Variants in PTPRD observed in about 807,000 individuals in gnomAD.
PTPRD encodes the protein protein tyrosine phosphatase receptor type D.
A neutral mutation model predicts 214.5 loss-of-function variants in PTPRD; 34 were observed. The observed-to-expected ratio is 0.16, with a 90% CI of 0.12 to 0.21. PTPRD has a LOEUF of 0.21. Ranked by LOEUF, PTPRD falls within the 10% of genes least tolerant of loss-of-function variation. The pLI, the probability that PTPRD is intolerant of heterozygous loss-of-function variation, is 1.00. For missense variants in PTPRD, 2,545 were observed against 2,398.7 expected, an observed-to-expected ratio of 1.06 and a Z score of -1.27; for synonymous variants, 1,128 against 845.7, an observed-to-expected ratio of 1.33 and a Z score of -5.79.
chr9:8,566,023 C>G (rs561503192), intron 14 of PTPRD, among the ~76,000 whole-genome samples: 4 of 151,310 alleles, frequency 2.6e-5, no homozygotes, highest in African/African-American at 9.7e-5. Flanking sequence ...CCCAGGTAAG[C>G]TGGTATAGAA....
At position 8,932,148 on chromosome 9, in the gene PTPRD, C is replaced by G. The variant is rs1440153960; in HGVS notation, c.-104+86549G>C. On this transcript the variant is annotated intron_variant, in intron 11 of 45. Coordinates refer to ENST00000381196, the MANE Select transcript of PTPRD (RefSeq NM_002839.4). Reference sequence around the variant, plus strand: ...TGATTTTTTGAAGGGTTTTTCGTGTCTGTATCTCCTTCAGTTCTGCTCTGA... The same window carrying G: ...TGATTTTTTGAAGGGTTTTTCGTGTGTGTATCTCCTTCAGTTCTGCTCTGA... Among the ~76,000 whole-genome samples the G allele has an allele frequency of 3.3e-5, 5 of 152,178 alleles. No individual in the cohort carries two copies. In the East Asian group the frequency reaches 7.7e-4, roughly 24 times the overall value.
chr9:9,247,880 C>T (rs908303725), intron 9 of PTPRD, among the ~76,000 whole-genome samples: 2 of 152,098 alleles, frequency 1.3e-5, no homozygotes, highest in Non-Finnish European at 2.9e-5. Flanking sequence ...CCATACATTT[C>T]ATTTGCATTT....
chr9:9,499,630 G>C (rs959257983), intron 8 of PTPRD, among the ~76,000 whole-genome samples: 1 of 151,938 alleles, frequency 6.6e-6, no homozygotes, highest in Non-Finnish European at 1.5e-5. Context: ...ACTGGTATAT[G>C]GGCAAACATT....
chr9:9,456,998 G>C (rs1275098387), intron 8 of PTPRD, among the ~76,000 whole-genome samples: 1 of 151,936 alleles, frequency 6.6e-6, no homozygotes, highest in Non-Finnish European at 1.5e-5. Context: ...GTTTGGAAAA[G>C]TAGGTCCAAA....
At chr9:10,358,556 T>G (rs908880998) in intron 2 of PTPRD, among the ~76,000 whole-genome samples, 2 of 151,940 alleles carry the variant, frequency 1.3e-5, no homozygotes, top group East Asian at 3.9e-4. Context: ...ATTTGAAAGA[T>G]TTATGTCTCT....
At chr9:10,101,395 T>C (rs1273596073) in intron 3 of PTPRD, among the ~76,000 whole-genome samples, 1 of 151,684 alleles carries the variant, frequency 6.6e-6, no homozygotes, top group Non-Finnish European at 1.5e-5. Context: ...TAATATAGTG[T>C]CATCCTAGGA....
intron 8 of PTPRD, among the ~76,000 whole-genome samples, chr9:9,489,126 T>C (rs1351025669): frequency 6.6e-6 from 1 of 152,108 alleles, no homozygotes; most frequent in Non-Finnish European, 1.5e-5. Context: ...CATAAATAAT[T>C]GCATATATGA....
At chr9:8,363,141 T>C (rs1003013794) in intron 39 of PTPRD, among the ~76,000 whole-genome samples, 2 of 152,216 alleles carry the variant, frequency 1.3e-5, no homozygotes, top group Admixed American at 6.5e-5. Flanking sequence ...CCAACAACCC[T>C]AGCTCTTGAT....
intron 10 of PTPRD, among the ~76,000 whole-genome samples, chr9:9,144,746 C>CT (rs1401947927): frequency 6.6e-6 from 1 of 151,998 alleles, no homozygotes; most frequent in Non-Finnish European, 1.5e-5. Context: ...GAGCGAGACT[C>CT]TGTCAAAAAA....
At position 8,376,715 on chromosome 9, in the gene PTPRD, G is replaced by C. The variant is rs768372029; in HGVS notation, c.4398C>G (p.Asp1466Glu). The C allele has an allele frequency of 5.0e-6, 8 of 1,612,874 alleles. No homozygotes were observed. The highest frequency in any genetic ancestry group is 6.8e-6 in the Non-Finnish European group (8 of 1,179,222). Residue 1466 changes from aspartate to glutamate, a missense_variant, in exon 38 of 46, where the codon GAC becomes GAG. Transcript: ENST00000381196. ...KLEERSRVKCDQYWPSRGTET... is the reference protein window; with the variant it reads ...KLEERSRVKCEQYWPSRGTET... Reference sequence around the variant, plus strand: ...CTGTGCCTCTGCTAGGCCAATACTGGTCACACTTCACCTACAAGAAACAAG... The same window carrying C: ...CTGTGCCTCTGCTAGGCCAATACTGCTCACACTTCACCTACAAGAAACAAG...
At chr9:10,507,517 C>T (rs1038431649) in intron 2 of PTPRD, among the ~76,000 whole-genome samples, 1 of 152,074 alleles carries the variant, frequency 6.6e-6, no homozygotes, top group African/African-American at 2.4e-5. Context: ...AAGAACAAAG[C>T]TGGAGGAATC....
At chr9:9,601,150 T>A (rs747781737) in intron 7 of PTPRD, among the ~76,000 whole-genome samples, 13,060 of 92,046 alleles carry the variant, frequency 0.14, 801 homozygotes, top group Middle Eastern at 0.24. Flanking sequence ...TGTGTGTGTG[T>A]ATGGGGGGGG....
intron 9 of PTPRD, among the ~76,000 whole-genome samples, chr9:9,202,676 A>G (rs1237165826): frequency 6.6e-6 from 1 of 152,172 alleles, no homozygotes; most frequent in Non-Finnish European, 1.5e-5. Flanking sequence ...TATGAATGAC[A>G]TTTGTATTGA....
intron 39 of PTPRD, among the ~76,000 whole-genome samples, chr9:8,358,057 C>A (rs887764128): frequency 1.3e-5 from 2 of 152,132 alleles, no homozygotes; most frequent in Admixed American, 6.5e-5. Flanking sequence ...CATGGTATGA[C>A]TCCTGGCATC....
chr9:8,710,239 T>C (rs1456502554), intron 12 of PTPRD, among the ~76,000 whole-genome samples: 3 of 152,198 alleles, frequency 2.0e-5, no homozygotes, highest in Non-Finnish European at 1.5e-5. Flanking sequence ...TCTGAAAGAC[T>C]TGGCTCTCTT....
intron 3 of PTPRD, among the ~76,000 whole-genome samples, chr9:10,109,690 G>A (rs1194361141): frequency 1.3e-5 from 2 of 152,118 alleles, no homozygotes; most frequent in African/African-American, 2.4e-5. Context: ...ACCTGACAAC[G>A]GGTTGAGTGA....
chr9:10,323,641 T>G (rs2096594531), intron 3 of PTPRD, among the ~76,000 whole-genome samples: 1 of 151,748 alleles, frequency 6.6e-6, no homozygotes, highest in Admixed American at 6.6e-5. Context: ...GTCCACTGAA[T>G]GACTGAATTT....
Position 8,494,813 on chromosome 9 carries a change from A to G in PTPRD, c.2350-1834T>C, listed in dbSNP as rs146845786. Among the ~76,000 whole-genome samples, 10 of 152,288 alleles carry G rather than the reference A, an allele frequency of 6.6e-5. No homozygotes were observed. The East Asian group carries it at 1.5e-3, about 24-fold the overall frequency. On this transcript the variant is annotated intron_variant, in intron 26 of 45. Transcript: ENST00000381196. ...ACACACCTCCAACTGCCACGGTCAT[A>G]TCCTTTCTTGGATTACATTTTCTTT...
rs1233505480 is a variant in PTPRD at position 8,314,417 on chromosome 9, T to C, written c.*3457A>G. 3.9e-5 allele frequency: 9 copies of C among 230,628 alleles called. No individual in the cohort carries two copies. The highest frequency in any genetic ancestry group is 2.5e-4 in the East Asian group (4 of 16,312). The allele number at this position is 230,628 out of a possible 1,614,324, so 14.3% of individuals were successfully genotyped here. On this transcript the variant is annotated 3_prime_UTR_variant, in exon 46 of 46. Coordinates refer to ENST00000381196, the MANE Select transcript of PTPRD (RefSeq NM_002839.4). ...TACGCGTACTACTAATTAGAGGTAA[T>C]TGTATTTTTTAACAAGCCATTTTAC...
Sources: allele counts gnomAD v4.1 joint callset (sites outside exome capture counted in the v4.1 genomes callset), GRCh38; gene constraint gnomAD v4.1.1; transcripts MANE v1.5; gene names NCBI Gene and HGNC (gene_info 2026-07-23, HGNC 2026-07-21).